The following CLVS1 variants were observed in gnomAD, a reference collection of about 807,000 sequenced individuals.
The protein encoded by CLVS1 is clavesin-1.
A neutral mutation model predicts 33.1 loss-of-function variants in CLVS1; 10 were observed. The ratio of observed to expected loss-of-function variants is 0.30; its 90% confidence interval spans 0.19 to 0.51. The LOEUF (loss-of-function observed/expected upper bound fraction) is 0.51, where lower values mean the gene tolerates loss of function less well. Ranked by LOEUF, CLVS1 falls within the 20% of genes least tolerant of loss-of-function variation. The pLI, the probability that CLVS1 is intolerant of heterozygous loss-of-function variation, is 0.97. For synonymous variants in CLVS1, 163 were observed against 166.1 expected (o/e 0.98, Z 0.14); for missense variants, 343 against 433.4 (o/e 0.79, Z 1.85).
chr8:61,346,989 C>A (rs1335170797), intron 2 of CLVS1, among the ~76,000 whole-genome samples: 3 of 152,124 alleles, frequency 2.0e-5, no homozygotes, highest in Non-Finnish European at 4.4e-5. Flanking sequence ...ATTAAGAGAG[C>A]TTAAGAAGGG....
At chr8:61,179,166 T>C (rs753623206) in intron 2 of CLVS1, among the ~76,000 whole-genome samples, 2 of 151,012 alleles carry the variant, frequency 1.3e-5, no homozygotes, top group East Asian at 3.9e-4. Flanking sequence ...GGCAAGCAAA[T>C]GGAAAGAAAA....
At chr8:61,075,544 C>T in intron 1 of CLVS1, among the ~76,000 whole-genome samples, 1 of 152,292 alleles carries the variant, frequency 6.6e-6, no homozygotes, top group Middle Eastern at 3.4e-3. Flanking sequence ...CCTCTCTAAC[C>T]TTAAACTAAG....
chr8:61,201,978 T>TG, intron 2 of CLVS1, among the ~76,000 whole-genome samples: 1 of 152,334 alleles, frequency 6.6e-6, no homozygotes, highest in Non-Finnish European at 1.5e-5. Flanking sequence ...TCGGCTGGAA[T>TG]GGGATCTAAC....
chr8:61,068,809 A>C (rs12548849), intron 1 of CLVS1, among the ~76,000 whole-genome samples: 84,429 of 151,890 alleles, frequency 0.56, 26,235 homozygotes, highest in African/African-American at 0.84. Context: ...CTCCCCACAC[A>C]CACACCTCCC....
At chr8:61,476,832 A>G (rs1003794121) in intron 5 of CLVS1, among the ~76,000 whole-genome samples, 2 of 152,140 alleles carry the variant, frequency 1.3e-5, no homozygotes, top group African/African-American at 2.4e-5. Flanking sequence ...CTCCAACACT[A>G]TGTTGAATAG....
chr8:61,140,818 G>A (rs1056402261), intron 2 of CLVS1, among the ~76,000 whole-genome samples: 1 of 152,184 alleles, frequency 6.6e-6, no homozygotes, highest in African/African-American at 2.4e-5. Flanking sequence ...CGCCCGCCTC[G>A]ATCTCCCAAA....
At chr8:61,229,628 G>C (rs2129311567) in intron 2 of CLVS1, among the ~76,000 whole-genome samples, 1 of 152,294 alleles carries the variant, frequency 6.6e-6, no homozygotes, top group South Asian at 2.1e-4. Context: ...TTTACCTTGT[G>C]CCAGGCATGT....
chr8:61,366,469 T>G (rs1236748596), intron 2 of CLVS1, among the ~76,000 whole-genome samples: 2 of 152,202 alleles, frequency 1.3e-5, no homozygotes, highest in African/African-American at 4.8e-5. Flanking sequence ...GGACCCAAGG[T>G]GCTCAGTAAT....
intron 5 of CLVS1, among the ~76,000 whole-genome samples, chr8:61,478,801 C>G: frequency 6.6e-6 from 1 of 152,156 alleles, no homozygotes; most frequent in Non-Finnish European, 1.5e-5. Flanking sequence ...TTAATTGGAG[C>G]ATTTAGCCCA....
intron 1 of CLVS1, among the ~76,000 whole-genome samples, chr8:61,060,017 T>C (rs1804556116): frequency 1.3e-5 from 2 of 152,130 alleles, no homozygotes; most frequent in South Asian, 4.2e-4. Flanking sequence ...TTGATCATGC[T>C]GGTGAGGACA....
At chr8:61,137,325 AC>A (rs1806208787) in intron 2 of CLVS1, among the ~76,000 whole-genome samples, 1 of 152,144 alleles carries the variant, frequency 6.6e-6, no homozygotes, top group South Asian at 2.1e-4. Context: ...GAGGGAGAAA[AC>A]ATGGGCTTGG....
chr8:61,397,015 A>T (rs754825862), intron 3 of CLVS1, among the ~76,000 whole-genome samples: 3 of 152,090 alleles, frequency 2.0e-5, no homozygotes, highest in Non-Finnish European at 2.9e-5. Context: ...ATATTTTTGT[A>T]TAGACATTTG....
chr8:61,372,194 C>T (rs1425394387), intron 2 of CLVS1, among the ~76,000 whole-genome samples: 11 of 152,002 alleles, frequency 7.2e-5, no homozygotes, highest in Non-Finnish European at 1.5e-5. Context: ...AAAAAAATTT[C>T]CCCCTGAGTT....
chr8:61,116,145 A>G (rs1484684990), intron 1 of CLVS1, among the ~76,000 whole-genome samples: 1 of 151,798 alleles, frequency 6.6e-6, no homozygotes, highest in Non-Finnish European at 1.5e-5. Context: ...GCATTTTTTC[A>G]TGTGTTTTTG....
At chr8:61,325,127 T>C (rs16927185) in intron 2 of CLVS1, among the ~76,000 whole-genome samples, 2,928 of 152,192 alleles carry the variant, frequency 0.019, 105 homozygotes, top group African/African-American at 0.066. Flanking sequence ...TGGCAATTTG[T>C]TCTGTCCTCT....
At chr8:61,243,154 T>C (rs546581117) in intron 2 of CLVS1, among the ~76,000 whole-genome samples, 2 of 152,374 alleles carry the variant, frequency 1.3e-5, no homozygotes, top group South Asian at 4.1e-4. Context: ...TAGACTTATA[T>C]GGCAAATTTT....
chr8:61,240,894 G>GTTTTTTTTTTT lies in CLVS1; in HGVS notation c.-151-58776_-151-58766dup, dbSNP rs549955338. Among the ~76,000 whole-genome samples the GTTTTTTTTTTT allele has an allele frequency of 8.2e-3, 1,064 of 130,442 alleles. 11 individuals carry two copies. The highest frequency in any genetic ancestry group is 0.013 in the Non-Finnish European group (825 of 64,606). The allele number at this position is 130,442 out of a possible 152,430, so 85.6% of individuals were successfully genotyped here. A position where few individuals can be genotyped will look rare whatever the true frequency, so the allele number is the denominator to read the frequency against. ...CTAAAATGAATGATGTTTGCTGTAGGTTTTTTTTTTTTTTTTTAAAATAGA... is the reference window on the plus strand; with the variant it reads ...CTAAAATGAATGATGTTTGCTGTAGGTTTTTTTTTTTTTTTTTTTTTTTTTTTTAAAATAGA... On this transcript the variant is annotated intron_variant, in intron 2 of 2. Coordinates refer to the CLVS1 transcript ENST00000522621.
At chr8:61,380,869 T>A (rs1813848381) in intron 3 of CLVS1, among the ~76,000 whole-genome samples, 1 of 152,146 alleles carries the variant, frequency 6.6e-6, no homozygotes, top group Non-Finnish European at 1.5e-5. Flanking sequence ...ACTGTGTTTA[T>A]CAATGTTCAG....
intron 2 of CLVS1, among the ~76,000 whole-genome samples, chr8:61,303,126 C>T (rs1466033748): frequency 6.6e-6 from 1 of 152,128 alleles, no homozygotes; most frequent in African/African-American, 2.4e-5. Flanking sequence ...TAGTTGTTTT[C>T]AGTGTTCTAG....
Sources: allele counts gnomAD v4.1 joint callset (sites outside exome capture counted in the v4.1 genomes callset), GRCh38; gene constraint gnomAD v4.1.1; transcripts MANE v1.5; gene names NCBI Gene and HGNC (gene_info 2026-07-23, HGNC 2026-07-21).